USP7: variants seen among roughly 807,000 people sequenced by gnomAD.
The protein encoded by USP7 is ubiquitin C-terminal hydrolase 7.
Under a neutral mutation model 162.9 loss-of-function variants are expected in USP7, and 9 were observed. The ratio of observed to expected loss-of-function variants is 0.06; its 90% confidence interval spans 0.03 to 0.10. The LOEUF (loss-of-function observed/expected upper bound fraction) is 0.10. Among genes scored for constraint, USP7 ranks in the 10% least tolerant of loss-of-function variants. The pLI is 1.00. For synonymous variants in USP7, 562 were observed against 475.9 expected (o/e 1.18, Z -2.35); for missense variants, 715 against 1,373.7 (o/e 0.52, Z 7.58).
chr16:8,913,763 T>C (rs1013703181), intron 10 of USP7, among the ~76,000 whole-genome samples: 12 of 152,058 alleles, frequency 7.9e-5, no homozygotes, highest in Non-Finnish European at 1.6e-4. Context: ...TTTATTTTAC[T>C]TTCTTGAGAG....
At chr16:8,937,133 T>A (rs1342690298) in intron 1 of USP7, among the ~76,000 whole-genome samples, 2 of 151,994 alleles carry the variant, frequency 1.3e-5, no homozygotes, top group Non-Finnish European at 2.9e-5. Context: ...TTACCACACA[T>A]CAGTAATCCC....
At chr16:8,924,941 T>C (rs1482781947) in intron 2 of USP7, among the ~76,000 whole-genome samples, 1 of 152,226 alleles carries the variant, frequency 6.6e-6, no homozygotes, top group Non-Finnish European at 1.5e-5. Flanking sequence ...TAATTATTTA[T>C]TTGAGCCTCT....
Position 8,900,373 on chromosome 16 carries a change from A to C in USP7, c.2309+157T>G, listed in dbSNP as rs112192844. Among the ~76,000 whole-genome samples, 523 of 152,334 alleles carry C rather than the reference A, an allele frequency of 3.4e-3. 4 individuals are homozygous for C. The highest frequency in any genetic ancestry group is 0.011 in the African/African-American group (451 of 41,570). On this transcript the variant is annotated intron_variant, in intron 21 of 30. Coordinates refer to ENST00000344836, the MANE Select transcript of USP7 (RefSeq NM_003470.3). ...TGAGATGAAAATGTTCACCACACCTAATTTCAAAACCCAGAGAAAGCCTCT... is the reference window on the plus strand; with the variant it reads ...TGAGATGAAAATGTTCACCACACCTCATTTCAAAACCCAGAGAAAGCCTCT...
chr16:8,923,208 G>C lies in USP7; in HGVS notation c.383+7C>G, dbSNP rs200020200. The C allele has an allele frequency of 4.1e-6, 1 of 242,990 alleles. No individual in the cohort carries two copies. Among genetic ancestry groups the C allele is most frequent in the African/African-American group, 1.4e-4 (1 of 7,088 alleles). 15.1% of individuals were successfully genotyped at this position (242,990 alleles called of 1,614,324 possible). On this transcript the variant is annotated splice_region_variant and intron_variant, in intron 3 of 30. Coordinates refer to ENST00000344836, the MANE Select transcript of USP7 (RefSeq NM_003470.3). ...ATTTGGCTTCCAGTAATGAAATACT[G>C]TCTTACGTGGAATCAGATTCAGCAT...
intron 1 of USP7, among the ~76,000 whole-genome samples, chr16:8,932,966 G>C (rs1898458875): frequency 6.6e-6 from 1 of 150,944 alleles, no homozygotes; most frequent in African/African-American, 2.4e-5. Flanking sequence ...TTTTTTTATG[G>C]AGTTTCGCTC....
Position 8,923,474 on chromosome 16 carries a change from A to G in USP7, c.185-61T>C. ...TGCATTGACCAAAAGCACTAGCATT[A>G]ATCGACATGGAGTAAACTGTTCTAT... On this transcript the variant is annotated intron_variant, in intron 2 of 30. Coordinates refer to ENST00000344836, the MANE Select transcript of USP7 (RefSeq NM_003470.3). 7 of 1,562,272 alleles carry G rather than the reference A, an allele frequency of 4.5e-6. No individual in the cohort carries two copies. In the South Asian group the frequency reaches 7.9e-5, roughly 18 times the overall value.
chr16:8,910,880 G>A (rs1251071321), intron 10 of USP7, 53 bp from the exon 11 acceptor site: 3 of 1,414,892 alleles, frequency 2.1e-6, no homozygotes, highest in Non-Finnish European at 3.0e-6. Flanking sequence ...TTATAATGTA[G>A]CCAACACAGG....
chr16:8,952,961 C>G (rs866420264), intron 1 of USP7, among the ~76,000 whole-genome samples: 29 of 152,202 alleles, frequency 1.9e-4, no homozygotes, highest in Middle Eastern at 6.8e-3. Context: ...CTCGGCCTCC[C>G]AAGTAGCTGG....
At chr16:8,901,886 G>T in intron 18 of USP7, 196 bp downstream of exon 18, 1 of 592,070 alleles carries the variant, frequency 1.7e-6, no homozygotes, top group South Asian at 2.0e-5. Flanking sequence ...GGCTGCTACT[G>T]TCTCCGGGCC....
intron 2 of USP7, among the ~76,000 whole-genome samples, chr16:8,924,683 G>A (rs1202461164): frequency 6.6e-6 from 1 of 152,228 alleles, no homozygotes; most frequent in East Asian, 1.9e-4. Context: ...CTCAGCATCA[G>A]CCACTTCTCA....
At chr16:8,945,337 C>G (rs1472933259) in intron 1 of USP7, among the ~76,000 whole-genome samples, 1 of 152,110 alleles carries the variant, frequency 6.6e-6, no homozygotes, top group African/African-American at 2.4e-5. Flanking sequence ...TGAGCCAAGA[C>G]CATGCCACTG....
chr16:8,936,192 T>C (rs1004322128), intron 1 of USP7, among the ~76,000 whole-genome samples: 1 of 152,122 alleles, frequency 6.6e-6, no homozygotes, highest in Non-Finnish European at 1.5e-5. Context: ...CCCCAGATCC[T>C]TCCACTAGTA....
chr16:8,912,633 A>G (rs1487455061), intron 10 of USP7, among the ~76,000 whole-genome samples: 1 of 152,060 alleles, frequency 6.6e-6, no homozygotes, highest in Non-Finnish European at 1.5e-5. Flanking sequence ...AAGAAAGCAA[A>G]AGCATACTAA....
chr16:8,932,005 G>A (rs1217378839), intron 1 of USP7, among the ~76,000 whole-genome samples: 1 of 152,074 alleles, frequency 6.6e-6, no homozygotes, highest in East Asian at 1.9e-4. Flanking sequence ...GAGCCTTTCT[G>A]CCATCCGAAC....
intron 30 of USP7, 40 bp downstream of exon 30, chr16:8,894,510 T>A: frequency 6.3e-7 from 1 of 1,581,300 alleles, no homozygotes; most frequent in Middle Eastern, 2.3e-4. Context: ...TTTCTTAGTC[T>A]GAAACCCACA....
intron 22 of USP7, 67 bp downstream of exon 22, chr16:8,899,537 C>T (rs207475758): frequency 1.6e-5 from 25 of 1,579,832 alleles, no homozygotes; most frequent in Admixed American, 1.8e-5. Flanking sequence ...CTTCAACAAG[C>T]ATTTTAAGAA....
Position 8,963,244 on chromosome 16 carries a change from C to T in USP7, c.42G>A (p.Glu14=). ...QQQQQQQKAG[E]QQLSEPEDME... ...TGTCCTCGGGCTCGCTCAACTGCTG[C>T]TCGCCCGCTTTCTGCTGCTGCTGCT... The change falls in exon 1 of 31, where the codon GAG becomes GAA. Residue 14 remains glutamate (E), a synonymous_variant. Coordinates refer to ENST00000344836, the MANE Select transcript of USP7 (RefSeq NM_003470.3). The T allele has an allele frequency of 2.2e-6, 3 of 1,393,096 alleles. No individual in the cohort carries two copies. The South Asian group carries it at 4.0e-5, about 19-fold the overall frequency. 86.3% of individuals were successfully genotyped at this position (1,393,096 alleles called of 1,614,324 possible). A position where few individuals can be genotyped will look rare whatever the true frequency, so the allele number is the denominator to read the frequency against.
intron 11 of USP7, 81 bp downstream of exon 11, chr16:8,910,664 A>G: frequency 7.4e-7 from 1 of 1,345,484 alleles, no homozygotes; most frequent in Non-Finnish European, 1.0e-6. Flanking sequence ...AGGCACAAGC[A>G]AATTTTTATT....
At position 8,893,968 on chromosome 16, in the gene USP7, G is replaced by A. The variant is rs201664180; in HGVS notation, c.*30C>T. The A allele has an allele frequency of 2.7e-4, 440 of 1,605,722 alleles. 2 individuals are homozygous for A. In the African/African-American group the frequency reaches 5.0e-3, roughly 18 times the overall value. On this transcript the variant is annotated 3_prime_UTR_variant, in exon 31 of 31. Coordinates refer to ENST00000344836, the MANE Select transcript of USP7 (RefSeq NM_003470.3). ...GCTGTTAAGGGGCCACCCACACACC[G>A]TCCTCGCCTTGAACACACCAGCTTG...
Sources: allele counts gnomAD v4.1 joint callset (sites outside exome capture counted in the v4.1 genomes callset), GRCh38; gene constraint gnomAD v4.1.1; transcripts MANE v1.5; gene names NCBI Gene and HGNC (gene_info 2026-07-23, HGNC 2026-07-21).